The following VCF2 variants were observed in gnomAD, a reference collection of about 807,000 sequenced individuals.
VCF2 encodes VCP nuclear cofactor family member 2.
chrX:55,146,369 C>T, the VCF2 span: 1 of 1,080,172 alleles, frequency 9.3e-7, no homozygotes. Flanking sequence ...ATTTTTCCTA[C>T]TTGGCTTGGA....
the VCF2 span, chrX:55,146,414 G>A: frequency 8.2e-5 from 60 of 729,516 alleles, no homozygotes; most frequent in Non-Finnish European, 1.2e-4. Flanking sequence ...TGGGCTTAAT[G>A]GTTTTTACAA....
chrX:55,148,657 A>G, the VCF2 span, among the ~76,000 whole-genome samples: 2 of 111,630 alleles, frequency 1.8e-5, no homozygotes, highest in African/African-American at 3.2e-5. Context: ...CAAGTTGTCT[A>G]TAATTAAAGG....
chrX:55,147,068 C>T, the VCF2 span, among the ~76,000 whole-genome samples: 3 of 111,970 alleles, frequency 2.7e-5, no homozygotes, highest in Non-Finnish European at 5.6e-5. Context: ...GGAGAAGCTA[C>T]TCAGGGATCC....
chrX:55,153,158 C>T, the VCF2 span, among the ~76,000 whole-genome samples: 1 of 111,663 alleles, frequency 9.0e-6, no homozygotes, highest in African/African-American at 3.3e-5. Flanking sequence ...TATACCCCGA[C>T]CACCTTGAGC....
chrX:55,158,352 T>C, the VCF2 span, among the ~76,000 whole-genome samples: 1 of 111,853 alleles, frequency 8.9e-6, no homozygotes, highest in African/African-American at 3.2e-5. Flanking sequence ...ACCTTGAAGT[T>C]AAAATTCAAG....
the VCF2 span, chrX:55,161,148 G>A: frequency 2.5e-6 from 3 of 1,207,955 alleles, no homozygotes; most frequent in Non-Finnish European, 3.4e-6. Flanking sequence ...GTACAGGGCA[G>A]CCTCCCATAG....
At chrX:55,151,955 G>C in the VCF2 span, among the ~76,000 whole-genome samples, 1 of 92,495 alleles carries the variant, frequency 1.1e-5, no homozygotes, top group Non-Finnish European at 2.1e-5. Flanking sequence ...GCAGTGGCGG[G>C]ATCTCGGCTC....
the VCF2 span, chrX:55,160,890 G>C: frequency 6.1e-6 from 7 of 1,155,484 alleles, no homozygotes; most frequent in African/African-American, 1.8e-5. Flanking sequence ...ATGTTCTTTC[G>C]GAGAAGGCTT....
chrX:55,160,922 C>T, the VCF2 span: 1 of 1,162,108 alleles, frequency 8.6e-7, no homozygotes, highest in Non-Finnish European at 1.1e-6. Flanking sequence ...TTTTCAAGCA[C>T]GAAGGGCGGG....
the VCF2 span, chrX:55,159,153 G>C: frequency 1.7e-6 from 2 of 1,205,502 alleles, no homozygotes. Flanking sequence ...AATCCTGAAA[G>C]ATAGGGTTTC....
At chrX:55,160,591 C>T in the VCF2 span, among the ~76,000 whole-genome samples, 7 of 111,595 alleles carry the variant, frequency 6.3e-5, no homozygotes, top group African/African-American at 2.3e-4. Flanking sequence ...TCCTTTATTA[C>T]GCTTTAACAG....
At chrX:55,148,432 C>T in the VCF2 span, among the ~76,000 whole-genome samples, 1 of 109,722 alleles carries the variant, frequency 9.1e-6, no homozygotes, top group African/African-American at 3.3e-5. Flanking sequence ...TAAATAAGAG[C>T]AATGTAAAGA....
chrX:55,152,966 T>C, the VCF2 span, among the ~76,000 whole-genome samples: 2 of 112,279 alleles, frequency 1.8e-5, no homozygotes, highest in African/African-American at 6.5e-5. Flanking sequence ...CAAGCCAGAC[T>C]AAATTGTATA....
At chrX:55,153,897 A>G in the VCF2 span, among the ~76,000 whole-genome samples, 1 of 111,576 alleles carries the variant, frequency 9.0e-6, no homozygotes, top group Non-Finnish European at 1.9e-5. Context: ...ACAAAGTCAT[A>G]TACACTAGCA....
At chrX:55,145,907 T>C in the VCF2 span, 1 of 1,006,206 alleles carries the variant, frequency 9.9e-7, no homozygotes, top group Admixed American at 4.5e-5. Context: ...AAAAATTTCA[T>C]AAACATTTAT....
the VCF2 span, among the ~76,000 whole-genome samples, chrX:55,155,943 T>TC: frequency 3.2e-5 from 3 of 94,639 alleles, no homozygotes; most frequent in South Asian, 5.2e-4. Context: ...TTCTTCTTCT[T>TC]TTTTTTTTTT....
At chrX:55,161,102 A>G in the VCF2 span, 8 of 1,207,442 alleles carry the variant, frequency 6.6e-6, no homozygotes, top group Non-Finnish European at 9.0e-6. Flanking sequence ...CAGAGCTCGG[A>G]CTGGTACCGG....
At chrX:55,160,592 G>A in the VCF2 span, among the ~76,000 whole-genome samples, 1 of 111,482 alleles carries the variant, frequency 9.0e-6, no homozygotes, top group Non-Finnish European at 1.9e-5. Flanking sequence ...CCTTTATTAC[G>A]CTTTAACAGT....
At chrX:55,153,569 G>C in the VCF2 span, among the ~76,000 whole-genome samples, 254 of 108,744 alleles carry the variant, frequency 2.3e-3, 1 homozygote, top group African/African-American at 8.0e-3. Flanking sequence ...CACCATGTTA[G>C]CCAGGATGGT....
Sources: allele counts gnomAD v4.1 joint callset (sites outside exome capture counted in the v4.1 genomes callset), GRCh38; gene constraint gnomAD v4.1.1; transcripts MANE v1.5; gene names NCBI Gene and HGNC (gene_info 2026-07-23, HGNC 2026-07-21).